Variants in ATP13A5 observed in about 807,000 individuals in gnomAD.
The protein encoded by ATP13A5 is probable cation-transporting ATPase 13A5.
ATP13A5 carries 149 observed loss-of-function variants against 150.2 expected under a neutral mutation model. The ratio of observed to expected loss-of-function variants is 0.99; its 90% CI spans 0.87 to 1.14. The LOEUF (loss-of-function observed/expected upper bound fraction) is 1.14. Among genes scored for constraint, ATP13A5 ranks in the 50% most tolerant of loss-of-function variants. The pLI, the probability that ATP13A5 is intolerant of heterozygous loss-of-function variation, is 0.00. For missense variants in ATP13A5, 1,383 were observed against 1,449.3 expected (o/e 0.95, Z 0.74); for synonymous variants, 497 against 522.2 (o/e 0.95, Z 0.66).
intron 1 of ATP13A5, among the ~76,000 whole-genome samples, chr3:193,364,555 C>T (rs1235508702): frequency 6.6e-6 from 1 of 152,022 alleles, no homozygotes; most frequent in Non-Finnish European, 1.5e-5. Flanking sequence ...ATAAGAGTCA[C>T]CTCAGATTTT....
intron 16 of ATP13A5, 66 bp downstream of exon 16, chr3:193,321,615 A>G: frequency 1.3e-6 from 2 of 1,562,992 alleles, no homozygotes; most frequent in South Asian, 2.4e-5. Flanking sequence ...TTGGGGACAG[A>G]GCAAGATTCT....
chr3:193,364,674 T>A (rs1713175842), intron 1 of ATP13A5, among the ~76,000 whole-genome samples: 1 of 152,168 alleles, frequency 6.6e-6, no homozygotes, highest in Non-Finnish European at 1.5e-5. Context: ...ACAATATGAA[T>A]TTATTGTAGG....
At chr3:193,322,597 A>C (rs766093925) in intron 14 of ATP13A5, 23 bp from the exon 15 acceptor site, 1 of 1,489,722 alleles carries the variant, frequency 6.7e-7, no homozygotes, top group South Asian at 1.2e-5. Flanking sequence ...GAAAACATTC[A>C]TAAGATTCTT....
intron 19 of ATP13A5, chr3:193,313,429 G>A (rs141330744): frequency 2.2e-4 from 34 of 152,310 alleles, no homozygotes; most frequent in African/African-American, 7.9e-4. Context: ...CTTTAGTGAT[G>A]GAATGTAAGG....
intron 5 of ATP13A5, 50 bp from the exon 6 acceptor site, chr3:193,354,246 A>C: frequency 6.5e-7 from 1 of 1,528,700 alleles, no homozygotes; most frequent in Non-Finnish European, 8.9e-7. Context: ...GCACATGATA[A>C]GTGACTACAG....
intron 11 of ATP13A5, among the ~76,000 whole-genome samples, chr3:193,332,356 T>A (rs1295481387): frequency 6.6e-6 from 1 of 152,182 alleles, no homozygotes; most frequent in Non-Finnish European, 1.5e-5. Context: ...CTCAGGTATG[T>A]CTTTATTAGC....
Position 193,279,841 on chromosome 3 carries a change from C to T in ATP13A5, c.3227-387G>A, listed in dbSNP as rs1460578026. 1.3e-5 allele frequency among the ~76,000 whole-genome samples: 2 copies of T among 151,970 alleles called. 1 individual carries two copies. The highest frequency in any genetic ancestry group is 2.9e-5 in the Non-Finnish European group (2 of 67,986). The stretch of plus-strand genomic sequence containing the variant: ...GGGATCCTCTATTGACATTCAAGGC[C>T]TTCCACAATCTGGTCCCAATCAGCC... On this transcript the variant is annotated intron_variant, in intron 27 of 29. Transcript: ENST00000342358.
At chr3:193,361,671 A>T (rs1713010352) in intron 5 of ATP13A5, among the ~76,000 whole-genome samples, 1 of 152,102 alleles carries the variant, frequency 6.6e-6, no homozygotes, top group African/African-American at 2.4e-5. Flanking sequence ...GAAAGCAGGG[A>T]CTCTGTATCT....
chr3:193,334,150 T>G (rs962680890), intron 10 of ATP13A5, among the ~76,000 whole-genome samples: 1 of 152,184 alleles, frequency 6.6e-6, no homozygotes, highest in African/African-American at 2.4e-5. Flanking sequence ...AAATTAGATA[T>G]TTTTAATTTT....
intron 27 of ATP13A5, among the ~76,000 whole-genome samples, chr3:193,284,251 C>A (rs1468460472): frequency 6.6e-6 from 1 of 151,992 alleles, no homozygotes; most frequent in African/African-American, 2.4e-5. Flanking sequence ...TCTCAAACTC[C>A]TGAACTCAAG....
At position 193,343,922 on chromosome 3, in the gene ATP13A5, C is replaced by T; in HGVS notation, c.943+5G>A. On this transcript the variant is annotated splice_donor_5th_base_variant and intron_variant, in intron 9 of 29. Coordinates refer to ENST00000342358, the MANE Select transcript of ATP13A5 (RefSeq NM_198505.4). The stretch of plus-strand genomic sequence containing the variant: ...GGAAGAGGAAGCTCCATGACAACTG[C>T]CTACCTGTAAGCATGCCTTCATTCA... 6.2e-7 allele frequency: 1 copy of T among 1,611,514 alleles called. No individual in the cohort carries two copies. Among genetic ancestry groups the T allele is most frequent in the Non-Finnish European group, 8.5e-7 (1 of 1,178,634 alleles).
At chr3:193,346,592 CT>C (rs1322597033) in intron 7 of ATP13A5, among the ~76,000 whole-genome samples, 3 of 152,116 alleles carry the variant, frequency 2.0e-5, no homozygotes, top group Non-Finnish European at 4.4e-5. Flanking sequence ...AAATGTAAAA[CT>C]TTTTTTCTTT....
intron 9 of ATP13A5, 121 bp downstream of exon 9, chr3:193,343,806 G>C (rs1003467816): frequency 4.4e-6 from 5 of 1,142,792 alleles, no homozygotes; most frequent in Non-Finnish European, 6.0e-6. Flanking sequence ...GCAAAGGCTG[G>C]CTGTGTCTCC....
At chr3:193,361,872 T>C (rs767458642) in intron 5 of ATP13A5, among the ~76,000 whole-genome samples, 8 of 152,196 alleles carry the variant, frequency 5.3e-5, no homozygotes, top group African/African-American at 1.9e-4. Context: ...TCAATGAATA[T>C]ATTAACTTAC....
At position 193,311,933 on chromosome 3, in the gene ATP13A5, G is replaced by A. The variant is rs1718867869; in HGVS notation, c.2328C>T (p.Tyr776=). The A allele has an allele frequency of 6.2e-7, 1 of 1,613,662 alleles. No homozygotes were observed. The highest frequency in any genetic ancestry group is 8.5e-7 in the Non-Finnish European group (1 of 1,179,738). The change falls in exon 20 of 30, where the codon TAC becomes TAT. Residue 776 remains tyrosine, a synonymous_variant. Transcript: ENST00000342358. Reference sequence around the variant, plus strand: ...GGGTTGAACTGTTTCCAGTATGCATGTAGATTTCCTAAAATCAAAAGGGCA... The same window carrying A: ...GGGTTGAACTGTTTCCAGTATGCATATAGATTTCCTAAAATCAAAAGGGCA... ...QETGPGKKEI[Y]MHTGNSSTPR...
At chr3:193,307,144 G>T in intron 22 of ATP13A5, 183 bp downstream of exon 22, 1 of 1,429,734 alleles carries the variant, frequency 7.0e-7, no homozygotes, top group Non-Finnish European at 9.2e-7. Context: ...AGCATCGGAA[G>T]TGTCTCATCT....
At chr3:193,369,703 A>C (rs539993090) in intron 1 of ATP13A5, among the ~76,000 whole-genome samples, 4 of 152,214 alleles carry the variant, frequency 2.6e-5, no homozygotes, top group Non-Finnish European at 5.9e-5. Flanking sequence ...AAAGTGTCTG[A>C]ATCTCAAACC....
intron 26 of ATP13A5, 56 bp from the exon 27 acceptor site, chr3:193,285,172 G>C: frequency 7.0e-7 from 1 of 1,426,618 alleles, no homozygotes; most frequent in Middle Eastern, 2.1e-4. Context: ...TGTCCATTAG[G>C]TGAAAAAAAA....
At chr3:193,371,548 A>G (rs1260290693) in intron 1 of ATP13A5, among the ~76,000 whole-genome samples, 2 of 152,226 alleles carry the variant, frequency 1.3e-5, no homozygotes, top group African/African-American at 4.8e-5. Flanking sequence ...TGGAGCTAAG[A>G]GACCTCTTCA....
Sources: allele counts gnomAD v4.1 joint callset (sites outside exome capture counted in the v4.1 genomes callset), GRCh38; gene constraint gnomAD v4.1.1; transcripts MANE v1.5; gene names NCBI Gene and HGNC (gene_info 2026-07-23, HGNC 2026-07-21).